The following UNC5D variants were observed in gnomAD, a reference collection of about 807,000 sequenced individuals.
UNC5D encodes netrin receptor UNC5D.
A neutral mutation model predicts 105.4 loss-of-function variants in UNC5D; 39 were observed. That is an observed-to-expected ratio of 0.37 (90% CI 0.29 to 0.48). The LOEUF (loss-of-function observed/expected upper bound fraction) is 0.48, where lower values mean the gene tolerates loss of function less well. Among genes scored for constraint, UNC5D ranks in the 20% least tolerant of loss-of-function variants. The pLI, the probability that UNC5D is intolerant of heterozygous loss-of-function variation, is 0.98. For synonymous variants in UNC5D, 452 were observed against 450.4 expected, an observed-to-expected ratio of 1.00 and a Z score of -0.04; for missense variants, 991 against 1,202.4, an observed-to-expected ratio of 0.82 and a Z score of 2.60.
chr8:35,493,018 AT>A (rs1443195519), intron 1 of UNC5D, among the ~76,000 whole-genome samples: 1 of 152,018 alleles, frequency 6.6e-6, no homozygotes, highest in African/African-American at 2.4e-5. Context: ...AGACAATTGC[AT>A]TTCTTTTGGA....
intron 1 of UNC5D, among the ~76,000 whole-genome samples, chr8:35,253,003 C>T (rs1803815272): frequency 6.6e-6 from 1 of 151,998 alleles, no homozygotes. Context: ...TGTTTTATTG[C>T]CATTTTTATT....
At chr8:35,652,681 G>A (rs1823495549) in intron 4 of UNC5D, among the ~76,000 whole-genome samples, 1 of 151,654 alleles carries the variant, frequency 6.6e-6, no homozygotes, top group Non-Finnish European at 1.5e-5. Context: ...TGCCAGGTGT[G>A]AAAATCTTCT....
intron 7 of UNC5D, among the ~76,000 whole-genome samples, chr8:35,702,999 C>A (rs1281979129): frequency 6.6e-6 from 1 of 151,964 alleles, no homozygotes; most frequent in Non-Finnish European, 1.5e-5. Context: ...GGCAAGGGAG[C>A]CTGCATTCTA....
chr8:35,332,616 T>C (rs1810711951), intron 1 of UNC5D, among the ~76,000 whole-genome samples: 1 of 152,242 alleles, frequency 6.6e-6, no homozygotes, highest in Non-Finnish European at 1.5e-5. Flanking sequence ...TTGAGCAATT[T>C]AATTGTATGC....
At chr8:35,336,198 A>G (rs1563323736) in intron 1 of UNC5D, among the ~76,000 whole-genome samples, 1 of 152,174 alleles carries the variant, frequency 6.6e-6, no homozygotes, top group Admixed American at 6.6e-5. Context: ...AGAAAATGCA[A>G]TTTTGAAGCT....
intron 1 of UNC5D, among the ~76,000 whole-genome samples, chr8:35,245,056 A>T (rs1803007546): frequency 6.6e-6 from 1 of 152,084 alleles, no homozygotes; most frequent in Non-Finnish European, 1.5e-5. Context: ...TAGAGACACC[A>T]ATTTTTTAGA....
intron 11 of UNC5D, among the ~76,000 whole-genome samples, chr8:35,741,982 G>A (rs1829784825): frequency 6.6e-6 from 1 of 152,198 alleles, no homozygotes; most frequent in African/African-American, 2.4e-5. Context: ...GAAAACAGGA[G>A]TCTGCTATAA....
At chr8:35,572,108 G>A (rs1046970050) in intron 3 of UNC5D, among the ~76,000 whole-genome samples, 6 of 151,876 alleles carry the variant, frequency 4.0e-5, no homozygotes, top group Admixed American at 6.6e-5. Flanking sequence ...CCAACATGTC[G>A]AAACCCCGTC....
At position 35,464,052 on chromosome 8, in the gene UNC5D, C is replaced by T. The variant is rs114880994; in HGVS notation, c.104-85240C>T. Among the ~76,000 whole-genome samples the T allele has an allele frequency of 5.0e-3, 765 of 152,136 alleles. 7 individuals are homozygous for T. The highest frequency in any genetic ancestry group is 0.017 in the African/African-American group (687 of 41,500). ...ATGTATTAGAAAACAGTCGGCCAGG[C>T]GCAGTAGCTCACGCCTGTAATCCCA... On this transcript the variant is annotated intron_variant, in intron 1 of 16. Transcript: ENST00000404895.
chr8:35,538,797 A>G (rs1269958901), intron 1 of UNC5D, among the ~76,000 whole-genome samples: 2 of 152,126 alleles, frequency 1.3e-5, no homozygotes, highest in African/African-American at 2.4e-5. Flanking sequence ...TAGAGCTATT[A>G]CAAGCTTTAT....
intron 1 of UNC5D, among the ~76,000 whole-genome samples, chr8:35,455,281 CT>C (rs55848948): frequency 0.14 from 20,025 of 141,918 alleles, 1,740 homozygotes; most frequent in African/African-American, 0.27. Flanking sequence ...GGAATGGATA[CT>C]TTTTTTTTTT....
chr8:35,482,951 T>C (rs1022485265), intron 1 of UNC5D, among the ~76,000 whole-genome samples: 6 of 151,510 alleles, frequency 4.0e-5, no homozygotes, highest in Non-Finnish European at 7.4e-5. Flanking sequence ...TACAGGCGCC[T>C]GCCACCACGC....
chr8:35,662,574 T>A (rs1416943897), intron 4 of UNC5D, among the ~76,000 whole-genome samples: 1 of 152,186 alleles, frequency 6.6e-6, no homozygotes, highest in Admixed American at 6.5e-5. Context: ...GACAGAAAGA[T>A]GCACAGCCTG....
intron 1 of UNC5D, among the ~76,000 whole-genome samples, chr8:35,544,945 GC>G (rs1162040085): frequency 6.6e-6 from 1 of 152,080 alleles, no homozygotes; most frequent in Non-Finnish European, 1.5e-5. Context: ...TTTCACAGAA[GC>G]TTCTGTTTAC....
Position 35,303,258 on chromosome 8 carries a change from G to T in UNC5D, c.103+67371G>T, listed in dbSNP as rs538830411. ...TATAAAATGTTTAGTTGAAATAATA[G>T]GTTTATAGACCCAAAGTATTCCAAC... On this transcript the variant is annotated intron_variant, in intron 1 of 16. Coordinates refer to ENST00000404895, the MANE Select transcript of UNC5D (RefSeq NM_080872.4). Among the ~76,000 whole-genome samples the T allele has an allele frequency of 3.9e-5, 6 of 151,988 alleles. No homozygotes were observed. In the East Asian group the frequency reaches 1.2e-3, roughly 29 times the overall value.
chr8:35,249,133 A>G (rs1165358152), intron 1 of UNC5D, among the ~76,000 whole-genome samples: 5 of 134,400 alleles, frequency 3.7e-5, no homozygotes, highest in Non-Finnish European at 1.5e-5. Flanking sequence ...AAAATTATAT[A>G]TAATTATATA....
chr8:35,300,855 G>T (rs1263940888), intron 1 of UNC5D, among the ~76,000 whole-genome samples: 1 of 152,128 alleles, frequency 6.6e-6, no homozygotes, highest in Non-Finnish European at 1.5e-5. Context: ...AATAAGGAGA[G>T]GGAGGAATAT....
At chr8:35,544,564 C>G (rs751335368) in intron 1 of UNC5D, 10 of 1,513,072 alleles carry the variant, frequency 6.6e-6, no homozygotes, top group Non-Finnish European at 8.2e-6. Flanking sequence ...GGAAAAAGGA[C>G]AGTACCAACC....
At chr8:35,456,461 A>G (rs1563436137) in intron 1 of UNC5D, among the ~76,000 whole-genome samples, 1 of 152,208 alleles carries the variant, frequency 6.6e-6, no homozygotes, top group Non-Finnish European at 1.5e-5. Context: ...AAGTTTGGAT[A>G]CAATTAGCTC....
Sources: allele counts gnomAD v4.1 joint callset (sites outside exome capture counted in the v4.1 genomes callset), GRCh38; gene constraint gnomAD v4.1.1; transcripts MANE v1.5; gene names NCBI Gene and HGNC (gene_info 2026-07-23, HGNC 2026-07-21).